The following ADAMTS14 variants were observed in gnomAD, a reference collection of about 807,000 sequenced individuals.
The protein encoded by ADAMTS14 is A disintegrin and metalloproteinase with thrombospondin motifs 14.
In ADAMTS14, 100 loss-of-function variants were observed where a neutral mutation model predicts 128.6. The ratio of observed to expected loss-of-function variants is 0.78; its 90% CI spans 0.66 to 0.92. The LOEUF (loss-of-function observed/expected upper bound fraction) is 0.92, where lower values mean the gene tolerates loss of function less well. ADAMTS14 is among the 40% of genes least tolerant of loss of function. The pLI, the probability that ADAMTS14 is intolerant of heterozygous loss-of-function variation, is 0.00. For synonymous variants in ADAMTS14, 665 were observed against 653.8 expected (o/e 1.02, Z -0.26); for missense variants, 1,562 against 1,658.6 (o/e 0.94, Z 1.01).
intron 12 of ADAMTS14, among the ~76,000 whole-genome samples, chr10:70,741,834 A>G (rs774541996): frequency 5.9e-5 from 9 of 152,172 alleles, no homozygotes; most frequent in Non-Finnish European, 1.3e-4. Flanking sequence ...ATAGCGGCAG[A>G]GCATCCAGTG....
intron 15 of ADAMTS14, among the ~76,000 whole-genome samples, chr10:70,749,240 G>A (rs941937668): frequency 1.3e-5 from 2 of 152,118 alleles, no homozygotes; most frequent in Non-Finnish European, 2.9e-5. Context: ...AACTCTTCTC[G>A]TTGTCCTGAG....
At chr10:70,752,497 C>A (rs552274006) in intron 18 of ADAMTS14, among the ~76,000 whole-genome samples, 1 of 152,176 alleles carries the variant, frequency 6.6e-6, no homozygotes, top group Non-Finnish European at 1.5e-5. Context: ...CCCTGGCTTG[C>A]GGCTACATGC....
chr10:70,756,463 G>A (rs761017062), intron 19 of ADAMTS14, among the ~76,000 whole-genome samples: 5 of 152,152 alleles, frequency 3.3e-5, no homozygotes, highest in East Asian at 1.9e-4. Flanking sequence ...TGGCCCTGTC[G>A]CAATAAGCAA....
intron 4 of ADAMTS14, among the ~76,000 whole-genome samples, chr10:70,726,702 A>G (rs1257249208): frequency 6.6e-6 from 1 of 152,174 alleles, no homozygotes; most frequent in Non-Finnish European, 1.5e-5. Flanking sequence ...ATCCATGATC[A>G]TCTCAGTGAT....
chr10:70,754,273 G>A (rs1049631985), intron 19 of ADAMTS14, among the ~76,000 whole-genome samples: 2 of 152,222 alleles, frequency 1.3e-5, no homozygotes, highest in Admixed American at 6.5e-5. Flanking sequence ...GCAGACTGAA[G>A]TACACTCTTG....
intron 2 of ADAMTS14, among the ~76,000 whole-genome samples, chr10:70,687,924 A>C (rs1468200417): frequency 5.4e-5 from 3 of 55,170 alleles, no homozygotes; most frequent in African/African-American, 6.9e-5. Flanking sequence ...CTGACCCCCC[A>C]CCTCCCTCCC....
intron 3 of ADAMTS14, 21 bp from the exon 4 acceptor site, chr10:70,708,567 C>A (rs757440084): frequency 6.3e-7 from 1 of 1,586,618 alleles, no homozygotes; most frequent in African/African-American, 1.3e-5. Context: ...GGACCTCACT[C>A]TCTTCCTGTC....
chr10:70,704,370 A>ACTGACAC (rs1840586317), intron 3 of ADAMTS14, among the ~76,000 whole-genome samples: 1 of 151,854 alleles, frequency 6.6e-6, no homozygotes, highest in African/African-American at 2.4e-5. Flanking sequence ...TCTCCCACAC[A>ACTGACAC]CTGACACCCA....
intron 14 of ADAMTS14, 127 bp downstream of exon 14, chr10:70,744,316 C>T: frequency 7.7e-7 from 1 of 1,296,580 alleles, no homozygotes; most frequent in South Asian, 2.0e-5. Context: ...GGGCCCATCT[C>T]CAGGCCTTCC....
At chr10:70,692,680 TAC>T (rs2132569451) in intron 2 of ADAMTS14, among the ~76,000 whole-genome samples, 1 of 152,370 alleles carries the variant, frequency 6.6e-6, no homozygotes, top group African/African-American at 2.4e-5. Flanking sequence ...AGAAATTGCC[TAC>T]AGTCTTATTG....
rs200537573 is a variant in ADAMTS14, at chr10:70,708,743, C to A, written c.835C>A (p.His279Asn). ...DSVVRFHGKEHVQNYVLTLMN... is the reference protein window; with the variant it reads ...DSVVRFHGKENVQNYVLTLMN... ...GGTGGTTCGCTTCCATGGCAAGGAG[C>A]ATGTGCAGAACTATGTCCTCACCCT... is the stretch of plus-strand genomic sequence containing the variant. Residue 279 changes from histidine to asparagine, a missense_variant, in exon 4 of 22, where the codon CAT becomes AAT. Coordinates refer to ENST00000373207, the MANE Select transcript of ADAMTS14 (RefSeq NM_080722.4). The A allele has an allele frequency of 5.1e-6, 8 of 1,553,566 alleles. No homozygotes were observed. Among genetic ancestry groups the A allele is most frequent in the Non-Finnish European group, 3.5e-6 (4 of 1,141,728 alleles).
At chr10:70,731,064 CCACACA>C (rs56903140) in intron 6 of ADAMTS14, among the ~76,000 whole-genome samples, 77 of 145,772 alleles carry the variant, frequency 5.3e-4, no homozygotes, top group South Asian at 5.0e-3. Context: ...GTTTTACACA[CCACACA>C]CACACACACA....
chr10:70,738,696 CT>C, intron 10 of ADAMTS14, 145 bp from the exon 11 acceptor site: 1 of 1,099,152 alleles, frequency 9.1e-7, no homozygotes, highest in Non-Finnish European at 1.3e-6. Flanking sequence ...AAAGGCAAGC[CT>C]TTTGTTTAAG....
rs761917044 is a variant in ADAMTS14 at position 70,749,933 on chromosome 10, C to A, written c.2375C>A (p.Ala792Asp). The A allele has an allele frequency of 1.9e-6, 3 of 1,614,074 alleles. No homozygotes were observed. The highest frequency in any genetic ancestry group is 2.5e-6 in the Non-Finnish European group (3 of 1,179,996). Residue 792 changes from alanine (A) to aspartate (D), a missense_variant, in exon 16 of 22, where the codon GCC becomes GAC. Coordinates refer to ENST00000373207, the MANE Select transcript of ADAMTS14 (RefSeq NM_080722.4). ...GLEWEDAVED[A>D]KESLKTSGPL... is the part of the protein sequence containing the mutation. ...GAGTGGGAGGATGCGGTGGAGGATG[C>A]CAAGGAAAGCCTCAAGACCAGCGGG... is the stretch of plus-strand genomic sequence containing the variant.
intron 19 of ADAMTS14, among the ~76,000 whole-genome samples, chr10:70,755,381 G>A (rs1288905423): frequency 6.6e-6 from 1 of 152,036 alleles, no homozygotes; most frequent in African/African-American, 2.4e-5. Context: ...CACTCCATGA[G>A]GGCACTTTGC....
chr10:70,672,906 G>A, intron 1 of ADAMTS14, 22 bp downstream of exon 1: 4 of 1,439,132 alleles, frequency 2.8e-6, no homozygotes, highest in Non-Finnish European at 3.6e-6. Flanking sequence ...TTGGGCGCGC[G>A]GGGGCCCGTG....
chr10:70,715,140 C>A (rs561567129), intron 4 of ADAMTS14, among the ~76,000 whole-genome samples: 1 of 152,044 alleles, frequency 6.6e-6, no homozygotes, highest in African/African-American at 2.4e-5. Flanking sequence ...TCTTTATGAC[C>A]GTGAAATTCC....
chr10:70,751,333 C>A (rs986358288), intron 16 of ADAMTS14, 145 bp from the exon 17 acceptor site: 2 of 793,352 alleles, frequency 2.5e-6, no homozygotes, highest in African/African-American at 3.4e-5. Context: ...CCCTACCATA[C>A]CCCAGCCATG....
At chr10:70,696,217 C>T (rs1344450666) in intron 2 of ADAMTS14, among the ~76,000 whole-genome samples, 2 of 152,048 alleles carry the variant, frequency 1.3e-5, no homozygotes, top group East Asian at 3.8e-4. Context: ...GAGCTGAGTC[C>T]TTGAGGAGGT....
Sources: gnomAD v4.1 joint callset for allele counts (sites outside exome capture counted in the v4.1 genomes callset) on GRCh38, gnomAD v4.1.1 for gene constraint, MANE v1.5 for transcripts, NCBI Gene and HGNC (gene_info 2026-07-23, HGNC 2026-07-21) for gene names.